The following SLC5A1 variants were observed in gnomAD, a reference collection of about 807,000 sequenced individuals.
The protein encoded by SLC5A1 is sodium/glucose cotransporter 1.
In SLC5A1, 42 loss-of-function variants were observed where a neutral mutation model predicts 73.5. The ratio of observed to expected loss-of-function variants is 0.57; its 90% CI spans 0.45 to 0.74. The LOEUF (loss-of-function observed/expected upper bound fraction) is 0.74, where lower values mean the gene tolerates loss of function less well. Ranked by LOEUF, SLC5A1 falls within the 30% of genes least tolerant of loss-of-function variation. The pLI is 0.00. For missense variants in SLC5A1, 634 were observed against 855.4 expected (o/e 0.74, Z 3.23); for synonymous variants, 300 against 317.4 (o/e 0.95, Z 0.58).
At chr22:32,057,556 G>C (rs564299125) in intron 2 of SLC5A1, among the ~76,000 whole-genome samples, 1 of 152,096 alleles carries the variant, frequency 6.6e-6, no homozygotes, top group African/African-American at 2.4e-5. Context: ...ATAAGCTACC[G>C]CACCCAGCCC....
chr22:32,105,346 T>G (rs193191895), intron 14 of SLC5A1, among the ~76,000 whole-genome samples: 77 of 147,642 alleles, frequency 5.2e-4, no homozygotes, highest in African/African-American at 1.8e-3. Flanking sequence ...TAGGCTGGAG[T>G]GCAATGGCGC....
intron 2 of SLC5A1, among the ~76,000 whole-genome samples, chr22:32,060,759 G>A (rs1174457106): frequency 1.3e-5 from 2 of 151,850 alleles, no homozygotes; most frequent in Non-Finnish European, 2.9e-5. Context: ...TTGTAGAGAC[G>A]GGGTCTCGCT....
At chr22:32,049,234 T>TCTATATCTATATATA in intron 1 of SLC5A1, among the ~76,000 whole-genome samples, 1 of 140,492 alleles carries the variant, frequency 7.1e-6, no homozygotes, top group East Asian at 2.1e-4. Flanking sequence ...TCTATATATA[T>TCTATATCTATATATA]GATGATTCCA....
chr22:32,083,472 G>T (rs1221037345), intron 7 of SLC5A1, among the ~76,000 whole-genome samples: 3 of 152,252 alleles, frequency 2.0e-5, no homozygotes, highest in Middle Eastern at 3.4e-3. Context: ...GGACAAAAAA[G>T]GATAAGGCTA....
At chr22:32,094,608 G>C (rs2094023411) in intron 11 of SLC5A1, among the ~76,000 whole-genome samples, 1 of 151,968 alleles carries the variant, frequency 6.6e-6, no homozygotes, top group African/African-American at 2.4e-5. Flanking sequence ...TCTCCTCTAG[G>C]TTTTCTGGTT....
chr22:32,059,111 G>C, intron 2 of SLC5A1: 2 of 985,486 alleles, frequency 2.0e-6, no homozygotes, highest in Non-Finnish European at 2.4e-6. Flanking sequence ...ATTGCAGAGA[G>C]CCTGGAGTGC....
chr22:32,091,856 T>G (rs1256830584), intron 11 of SLC5A1, 94 bp downstream of exon 11: 3 of 1,203,306 alleles, frequency 2.5e-6, no homozygotes, highest in Non-Finnish European at 3.7e-6. Context: ...GGCAGATGCC[T>G]GGGTAGAATG....
intron 10 of SLC5A1, 132 bp from the exon 11 acceptor site, chr22:32,091,480 T>C (rs995004809): frequency 9.6e-7 from 1 of 1,042,442 alleles, no homozygotes; most frequent in Non-Finnish European, 1.5e-6. Context: ...GCTTCTAGTC[T>C]TTTTGGAGAC....
chr22:32,100,751 T>G (rs2094034928), intron 12 of SLC5A1, among the ~76,000 whole-genome samples: 1 of 152,180 alleles, frequency 6.6e-6, no homozygotes, highest in African/African-American at 2.4e-5. Flanking sequence ...GCATGGGGGA[T>G]GAATAGGGAA....
At chr22:32,078,749 T>A (rs1458155882) in intron 5 of SLC5A1, among the ~76,000 whole-genome samples, 1 of 151,930 alleles carries the variant, frequency 6.6e-6, no homozygotes, top group African/African-American at 2.4e-5. Context: ...GATCAGGAGA[T>A]TGAGACCATT....
At position 32,109,000 on chromosome 22, in the gene SLC5A1, A is replaced by G. The variant is rs1206159740; in HGVS notation, c.1772-990A>G. 7.2e-5 allele frequency among the ~76,000 whole-genome samples: 11 copies of G among 152,166 alleles called. 1 individual carries two copies. Among genetic ancestry groups the G allele is most frequent in the African/African-American group, 2.4e-4 (10 of 41,530 alleles). On this transcript the variant is annotated intron_variant, in intron 14 of 14. Transcript: ENST00000266088. ...AGACAAGCCTGGGCAACATACTCAGATACTCTACAAAAAAAAATTTAACTG... is the reference window on the plus strand; with the variant it reads ...AGACAAGCCTGGGCAACATACTCAGGTACTCTACAAAAAAAAATTTAACTG...
intron 2 of SLC5A1, among the ~76,000 whole-genome samples, chr22:32,052,089 G>C (rs1277855208): frequency 6.6e-6 from 1 of 152,194 alleles, no homozygotes; most frequent in Non-Finnish European, 1.5e-5. Context: ...GAGTGAAGAT[G>C]ATGATTAACC....
chr22:32,056,246 C>T (rs1191972825), intron 2 of SLC5A1, among the ~76,000 whole-genome samples: 1 of 152,098 alleles, frequency 6.6e-6, no homozygotes, highest in African/African-American at 2.4e-5. Flanking sequence ...GTCTCGAACT[C>T]CCGAGCTCAA....
intron 12 of SLC5A1, 69 bp from the exon 13 acceptor site, chr22:32,101,953 C>A: frequency 7.9e-7 from 1 of 1,264,170 alleles, no homozygotes; most frequent in Non-Finnish European, 1.2e-6. Context: ...TATGCCTCTC[C>A]AAAGAATGTT....
intron 2 of SLC5A1, among the ~76,000 whole-genome samples, chr22:32,055,206 G>T (rs1360773334): frequency 1.3e-5 from 2 of 152,168 alleles, no homozygotes; most frequent in African/African-American, 4.8e-5. Context: ...GTTCATGAAG[G>T]TAATGAGTGA....
At chr22:32,067,920 G>C in intron 3 of SLC5A1, 47 bp from the exon 4 acceptor site, 1 of 1,603,740 alleles carries the variant, frequency 6.2e-7, no homozygotes, top group Non-Finnish European at 8.5e-7. Context: ...GGCAGGGATG[G>C]GCTAAGTTTC....
At position 32,099,348 on chromosome 22, in the gene SLC5A1, GCCAGTAGGTATCATCTGGGCATGT is replaced by G. The variant is rs1272556445; in HGVS notation, c.1449+2_1449+25del. On this transcript the variant is annotated splice_donor_variant and splice_donor_5th_base_variant and coding_sequence_variant and intron_variant, in exon 12 of 15. Coordinates refer to ENST00000266088, the MANE Select transcript of SLC5A1 (RefSeq NM_000343.4). LOFTEE classifies it high-confidence loss of function. The stretch of plus-strand genomic sequence containing the variant: ...CTATTTTCTGGAAGAGAGTCAATGA[GCCAGTAGGTATCATCTGGGCATGT>G]CCAGAAAAGTCATTCTGGCATAGAA... 1 of 1,611,924 alleles carries G rather than the reference GCCAGTAGGTATCATCTGGGCATGT, an allele frequency of 6.2e-7. No homozygotes were observed. The highest frequency in any genetic ancestry group is 8.5e-7 in the Non-Finnish European group (1 of 1,178,998).
At chr22:32,088,889 A>T (rs1370437168) in intron 10 of SLC5A1, among the ~76,000 whole-genome samples, 2 of 151,966 alleles carry the variant, frequency 1.3e-5, no homozygotes, top group Non-Finnish European at 2.9e-5. Context: ...TGATCCTCCC[A>T]CCAATCCACA....
chr22:32,053,332 CTTT>C (rs1481406781), intron 2 of SLC5A1, among the ~76,000 whole-genome samples: 4 of 152,038 alleles, frequency 2.6e-5, no homozygotes, highest in Non-Finnish European at 4.4e-5. Context: ...TCTCTTCCTC[CTTT>C]TTATTCTCCT....
Sources: allele counts gnomAD v4.1 joint callset (sites outside exome capture counted in the v4.1 genomes callset), GRCh38; gene constraint gnomAD v4.1.1; transcripts MANE v1.5; gene names NCBI Gene and HGNC (gene_info 2026-07-23, HGNC 2026-07-21).